The following SLC2A13 variants were observed in gnomAD, a reference collection of about 807,000 sequenced individuals.
SLC2A13 encodes the protein solute carrier family 2 member 13.
SLC2A13 carries 32 observed loss-of-function variants against 64.4 expected under a neutral mutation model. The ratio of observed to expected loss-of-function variants is 0.50; its 90% CI spans 0.37 to 0.67. The LOEUF is 0.67. Among genes scored for constraint, SLC2A13 ranks in the 30% least tolerant of loss-of-function variants. SLC2A13 has a pLI of 0.00. For synonymous variants in SLC2A13, 338 were observed against 327.1 expected, an observed-to-expected ratio of 1.03 and a Z score of -0.36; for missense variants, 743 against 829.2, an observed-to-expected ratio of 0.90 and a Z score of 1.28.
chr12:40,068,878 A>C (rs1937848261), intron 1 of SLC2A13, among the ~76,000 whole-genome samples: 1 of 152,032 alleles, frequency 6.6e-6, no homozygotes, highest in Admixed American at 6.6e-5. Context: ...AACAGCAGGA[A>C]TATGGCCCAA....
At chr12:40,089,303 G>A (rs1456405797) in intron 1 of SLC2A13, among the ~76,000 whole-genome samples, 1 of 152,134 alleles carries the variant, frequency 6.6e-6, no homozygotes, top group African/African-American at 2.4e-5. Flanking sequence ...GAAGCCAAAA[G>A]TAATCAAATA....
intron 4 of SLC2A13, among the ~76,000 whole-genome samples, chr12:39,901,467 T>C (rs1370519653): frequency 7.0e-6 from 1 of 142,034 alleles, no homozygotes; most frequent in African/African-American, 2.6e-5. Flanking sequence ...ATATCCAGAA[T>C]CTACAATGAA....
At chr12:40,097,915 A>G (rs1403026419) in intron 1 of SLC2A13, among the ~76,000 whole-genome samples, 2 of 152,104 alleles carry the variant, frequency 1.3e-5, no homozygotes, top group Non-Finnish European at 2.9e-5. Flanking sequence ...AAAGAGATGT[A>G]TGCACTCCCA....
intron 7 of SLC2A13, among the ~76,000 whole-genome samples, chr12:39,773,906 C>T (rs949556511): frequency 1.3e-5 from 2 of 152,194 alleles, no homozygotes; most frequent in African/African-American, 4.8e-5. Context: ...TACCATCGTT[C>T]TACTGGGCTT....
chr12:40,020,121 T>C (rs1348981694), intron 3 of SLC2A13, among the ~76,000 whole-genome samples: 1 of 152,076 alleles, frequency 6.6e-6, no homozygotes, highest in African/African-American at 2.4e-5. Context: ...ATTTAAAATA[T>C]GAGGGAAAAA....
At chr12:39,958,732 G>T (rs1004794580) in intron 3 of SLC2A13, among the ~76,000 whole-genome samples, 52 of 152,096 alleles carry the variant, frequency 3.4e-4, no homozygotes, top group African/African-American at 1.2e-3. Flanking sequence ...GCAATTTTTG[G>T]GTAATCTGTT....
At chr12:40,030,432 T>C (rs1309498559) in intron 2 of SLC2A13, among the ~76,000 whole-genome samples, 1 of 152,200 alleles carries the variant, frequency 6.6e-6, no homozygotes, top group Admixed American at 6.5e-5. Flanking sequence ...ATATTGCTCA[T>C]TATTTAAAAG....
At chr12:39,983,184 G>C (rs1330554670) in intron 3 of SLC2A13, among the ~76,000 whole-genome samples, 1 of 151,008 alleles carries the variant, frequency 6.6e-6, no homozygotes, top group Non-Finnish European at 1.5e-5. Flanking sequence ...AATTCAAGAT[G>C]GATTAAAGAT....
chr12:40,006,815 G>A (rs1392712929), intron 3 of SLC2A13, among the ~76,000 whole-genome samples: 1 of 152,146 alleles, frequency 6.6e-6, no homozygotes, highest in Non-Finnish European at 1.5e-5. Flanking sequence ...TACAGTGTCG[G>A]CTAGACAGAT....
chr12:39,781,708 C>A (rs1272047149), intron 7 of SLC2A13, among the ~76,000 whole-genome samples: 2 of 152,192 alleles, frequency 1.3e-5, no homozygotes, highest in African/African-American at 2.4e-5. Flanking sequence ...TATTTTCCAA[C>A]ACACACAAAC....
intron 4 of SLC2A13, among the ~76,000 whole-genome samples, chr12:39,885,864 G>A (rs2135967831): frequency 6.6e-6 from 1 of 152,202 alleles, no homozygotes; most frequent in East Asian, 1.9e-4. Context: ...CCAGGATTCT[G>A]ATTCATTTCA....
At chr12:39,895,924 G>GTATA (rs1452713071) in intron 4 of SLC2A13, among the ~76,000 whole-genome samples, 27 of 136,332 alleles carry the variant, frequency 2.0e-4, no homozygotes, top group African/African-American at 6.6e-4. Flanking sequence ...ATGCATATAT[G>GTATA]TGTATATGTG....
intron 6 of SLC2A13, among the ~76,000 whole-genome samples, chr12:39,855,790 G>T (rs76471510): frequency 1.3e-5 from 2 of 152,100 alleles, no homozygotes; most frequent in Admixed American, 1.3e-4. Context: ...CATTGTTCTA[G>T]TCTTCTAATT....
In SLC2A13 at chr12:39,760,205, T is replaced by A. The variant is rs1160729195; in HGVS notation, c.1768A>T (p.Ile590Phe). The change falls in exon 10 of 10, where the codon ATC (isoleucine) becomes TTC (phenylalanine). Residue 590 changes from isoleucine (I) to phenylalanine (F), a missense_variant. This residue lies in a region of SLC2A13 where 295 missense variants were observed against 381.7 expected (regional missense o/e 0.77). Transcript: ENST00000280871. ...AGFAAVGLLF[I>F]YGCLPETKGK... ...TTGGTCTCAGGAAGACAGCCATAGA[T>A]GAAAAGGAGTCCCACAGCAGCAAAT... 9 of 1,612,744 alleles carry A rather than the reference T, an allele frequency of 5.6e-6. No individual in the cohort carries two copies. Among genetic ancestry groups the A allele is most frequent in the Non-Finnish European group, 7.6e-6 (9 of 1,179,264 alleles).
intron 7 of SLC2A13, among the ~76,000 whole-genome samples, chr12:39,804,899 C>T (rs1395229194): frequency 2.1e-5 from 3 of 146,340 alleles, no homozygotes; most frequent in Non-Finnish European, 4.5e-5. Flanking sequence ...TGACAGGGCT[C>T]TCAGGGAAGG....
intron 1 of SLC2A13, among the ~76,000 whole-genome samples, chr12:40,055,312 G>A (rs930682424): frequency 6.6e-6 from 1 of 152,168 alleles, no homozygotes; most frequent in Non-Finnish European, 1.5e-5. Flanking sequence ...AACTTAAAGA[G>A]CTCTTAACAT....
At chr12:39,850,697 A>G (rs573547130) in intron 6 of SLC2A13, among the ~76,000 whole-genome samples, 2 of 152,342 alleles carry the variant, frequency 1.3e-5, no homozygotes, top group Admixed American at 1.3e-4. Context: ...TATATGAATA[A>G]GGATGATAAT....
At chr12:40,034,591 G>C (rs1211793431) in intron 2 of SLC2A13, among the ~76,000 whole-genome samples, 1 of 152,066 alleles carries the variant, frequency 6.6e-6, no homozygotes, top group African/African-American at 2.4e-5. Flanking sequence ...TTGCACTTTT[G>C]CTATTGATTA....
At chr12:40,000,864 C>A (rs752163218) in intron 3 of SLC2A13, among the ~76,000 whole-genome samples, 2 of 152,096 alleles carry the variant, frequency 1.3e-5, no homozygotes, top group Non-Finnish European at 2.9e-5. Context: ...TTGTAGGGGA[C>A]ACAATTTATT....
Sources: gnomAD v4.1 joint callset for allele counts (sites outside exome capture counted in the v4.1 genomes callset) on GRCh38, gnomAD v4.1.1 for gene constraint, gnomAD v4.1.1 regional missense constraint, MANE v1.5 for transcripts, NCBI Gene and HGNC (gene_info 2026-07-23, HGNC 2026-07-21) for gene names.